Variants in SUPT3H observed in about 807,000 individuals in gnomAD.
SUPT3H encodes transcription initiation protein SPT3 homolog.
In SUPT3H, 44 loss-of-function variants were observed where a neutral mutation model predicts 44.3. The observed-to-expected ratio is 0.99, with a 90% CI of 0.78 to 1.28. The LOEUF (loss-of-function observed/expected upper bound fraction) is 1.28, where lower values mean the gene tolerates loss of function less well. Ranked by LOEUF, SUPT3H falls within the 50% of genes most tolerant of loss-of-function variation. SUPT3H has a pLI of 0.00. For missense variants in SUPT3H, 380 were observed against 387.1 expected, an observed-to-expected ratio of 0.98 and a Z score of 0.15; for synonymous variants, 124 against 125.6, an observed-to-expected ratio of 0.99 and a Z score of 0.09.
intron 2 of SUPT3H, among the ~76,000 whole-genome samples, chr6:45,206,619 A>G (rs1011103711): frequency 1.3e-5 from 2 of 152,172 alleles, no homozygotes; most frequent in Non-Finnish European, 2.9e-5. Context: ...GGCAGGGGGT[A>G]GAAATGAAAA....
intron 10 of SUPT3H, among the ~76,000 whole-genome samples, chr6:44,889,111 A>G (rs2153439974): frequency 6.6e-6 from 1 of 151,962 alleles, no homozygotes; most frequent in African/African-American, 2.4e-5. Context: ...TCAATGAAAT[A>G]AAAGAGGATA....
intron 2 of SUPT3H, among the ~76,000 whole-genome samples, chr6:45,118,619 T>G (rs573833226): frequency 2.6e-5 from 4 of 152,258 alleles, no homozygotes; most frequent in African/African-American, 9.6e-5. Flanking sequence ...ACATGATATT[T>G]TCTCTGTCAA....
intron 5 of SUPT3H, among the ~76,000 whole-genome samples, chr6:45,007,728 T>TC (rs1204066087): frequency 2.7e-5 from 4 of 150,058 alleles, no homozygotes; most frequent in African/African-American, 1.0e-4. Context: ...CCCTAAGTAT[T>TC]CCCCCCCACT....
At chr6:45,101,544 C>T (rs1389319074) in intron 3 of SUPT3H, among the ~76,000 whole-genome samples, 2 of 152,144 alleles carry the variant, frequency 1.3e-5, no homozygotes, top group Admixed American at 1.3e-4. Context: ...CAGAGATAAA[C>T]AGCTAGATAG....
At chr6:45,306,857 G>A (rs1754083756) in intron 2 of SUPT3H, among the ~76,000 whole-genome samples, 1 of 152,236 alleles carries the variant, frequency 6.6e-6, no homozygotes, top group Admixed American at 6.5e-5. Context: ...CCCTGGAAGT[G>A]CAAGGGGTCA....
intron 10 of SUPT3H, among the ~76,000 whole-genome samples, chr6:44,870,384 G>A (rs1330393799): frequency 6.6e-6 from 1 of 152,040 alleles, no homozygotes; most frequent in Non-Finnish European, 1.5e-5. Flanking sequence ...ATCTCTTGAG[G>A]CCAGGAGCTC....
intron 9 of SUPT3H, among the ~76,000 whole-genome samples, chr6:44,950,677 C>T (rs1483659346): frequency 6.6e-6 from 1 of 152,000 alleles, no homozygotes; most frequent in Admixed American, 6.6e-5. Flanking sequence ...GCTTAACCAG[C>T]CCAGTTCCTT....
intron 4 of SUPT3H, among the ~76,000 whole-genome samples, chr6:45,019,157 G>T (rs1784743744): frequency 6.6e-6 from 1 of 152,130 alleles, no homozygotes; most frequent in South Asian, 2.1e-4. Flanking sequence ...AGTATTCTCT[G>T]ATGGTAGTTT....
At chr6:45,358,341 T>C (rs561825433) in intron 2 of SUPT3H, among the ~76,000 whole-genome samples, 4 of 152,300 alleles carry the variant, frequency 2.6e-5, no homozygotes, top group Non-Finnish European at 4.4e-5. Context: ...TTATTTAATA[T>C]ACTCAATAGG....
At chr6:45,351,001 T>C (rs1791895381) in intron 2 of SUPT3H, among the ~76,000 whole-genome samples, 2 of 152,014 alleles carry the variant, frequency 1.3e-5, no homozygotes, top group Non-Finnish European at 2.9e-5. Context: ...ACGCGAAGGA[T>C]CTAAGTTCTG....
chr6:45,004,382 T>C (rs995469782), intron 5 of SUPT3H, among the ~76,000 whole-genome samples: 13 of 151,978 alleles, frequency 8.6e-5, no homozygotes, highest in African/African-American at 2.4e-4. Context: ...TATCTGAATA[T>C]ATATATTTTT....
intron 2 of SUPT3H, among the ~76,000 whole-genome samples, chr6:45,116,727 A>C (rs1294028078): frequency 6.6e-6 from 1 of 152,152 alleles, no homozygotes; most frequent in Non-Finnish European, 1.5e-5. Context: ...CTTTATTGAG[A>C]TATCATTTAC....
chr6:44,894,853 T>A (rs1763875191), intron 10 of SUPT3H, among the ~76,000 whole-genome samples: 1 of 151,812 alleles, frequency 6.6e-6, no homozygotes, highest in Non-Finnish European at 1.5e-5. Flanking sequence ...TTTTATAACA[T>A]TTTAAAATAA....
At chr6:44,877,215 C>T (rs899336271) in intron 10 of SUPT3H, among the ~76,000 whole-genome samples, 2 of 152,112 alleles carry the variant, frequency 1.3e-5, no homozygotes, top group African/African-American at 4.8e-5. Flanking sequence ...GCCTGTAATC[C>T]CAGCACTTTG....
chr6:45,291,788 T>C (rs1005655745), intron 2 of SUPT3H, among the ~76,000 whole-genome samples: 1 of 152,176 alleles, frequency 6.6e-6, no homozygotes, highest in Non-Finnish European at 1.5e-5. Flanking sequence ...AGTCTGGGCT[T>C]ATGTTAAACA....
At chr6:44,844,865 T>A (rs1475781062) in intron 10 of SUPT3H, among the ~76,000 whole-genome samples, 1 of 152,218 alleles carries the variant, frequency 6.6e-6, no homozygotes, top group Non-Finnish European at 1.5e-5. Context: ...TCAAACTATA[T>A]ATTTTAAAAG....
At chr6:45,014,769 C>CAT in intron 5 of SUPT3H, 32 bp downstream of exon 5, 1 of 1,469,254 alleles carries the variant, frequency 6.8e-7, no homozygotes. Flanking sequence ...GTCATAAGCT[C>CAT]ATGTTTTAGT....
chr6:45,256,166 G>A (rs1773363600), intron 2 of SUPT3H, among the ~76,000 whole-genome samples: 1 of 152,102 alleles, frequency 6.6e-6, no homozygotes, highest in African/African-American at 2.4e-5. Context: ...GCAAGACTCT[G>A]TCTCAAAAAA....
intron 2 of SUPT3H, among the ~76,000 whole-genome samples, chr6:45,299,330 T>C (rs2149913005): frequency 1.6e-5 from 1 of 61,110 alleles, no homozygotes; most frequent in East Asian, 4.8e-4. Context: ...AGCAAGACTC[T>C]GCCTCAAAAA....
Sources: gnomAD v4.1 joint callset for allele counts (sites outside exome capture counted in the v4.1 genomes callset) on GRCh38, gnomAD v4.1.1 for gene constraint, MANE v1.5 for transcripts, NCBI Gene and HGNC (gene_info 2026-07-23, HGNC 2026-07-21) for gene names.